Variants in DNAI7 observed in about 807,000 individuals in gnomAD.
The protein encoded by DNAI7 is cancer susceptibility 1.
Under a neutral mutation model 86.6 loss-of-function variants are expected in DNAI7, and 78 were observed. That is an observed-to-expected ratio of 0.90 (90% confidence interval 0.75 to 1.09). The LOEUF is 1.09. Ranked by LOEUF, DNAI7 falls within the 50% of genes least tolerant of loss-of-function variation. The pLI, the probability that DNAI7 is intolerant of heterozygous loss-of-function variation, is 0.00. For synonymous variants in DNAI7, 274 were observed against 273.0 expected (o/e 1.00, Z -0.04); for missense variants, 753 against 810.2 (o/e 0.93, Z 0.86).
chr12:25,188,306 C>T (rs892328528), intron 2 of DNAI7, among the ~76,000 whole-genome samples: 5 of 151,990 alleles, frequency 3.3e-5, no homozygotes, highest in African/African-American at 9.7e-5. Flanking sequence ...TACATATGTG[C>T]GCCCTTTAAT....
chr12:25,158,438 G>T (rs1472842370), intron 4 of DNAI7, 34 bp downstream of exon 4: 2 of 1,495,756 alleles, frequency 1.3e-6, no homozygotes, highest in African/African-American at 2.8e-5. Context: ...CATAGTTTAA[G>T]TATTCATTAA....
At chr12:25,182,145 T>C (rs1219158726) in intron 2 of DNAI7, among the ~76,000 whole-genome samples, 1 of 151,350 alleles carries the variant, frequency 6.6e-6, no homozygotes, top group Non-Finnish European at 1.5e-5. Context: ...GTTGGGAGGT[T>C]GAGATCAGCC....
At chr12:25,108,057 G>A, downstream of DNAI7, 1 of 1,613,164 alleles carries the variant, frequency 6.2e-7, no homozygotes, top group Non-Finnish European at 8.5e-7. Flanking sequence ...CACCACCAGT[G>A]TGACAGCAGG....
chr12:25,174,055 T>C (rs948432641), intron 2 of DNAI7, among the ~76,000 whole-genome samples: 8 of 148,808 alleles, frequency 5.4e-5, no homozygotes, highest in African/African-American at 1.7e-4. Context: ...ATATCATATA[T>C]ATATCATATA....
chr12:25,173,450 AC>A (rs745655046), intron 2 of DNAI7, among the ~76,000 whole-genome samples: 1 of 152,092 alleles, frequency 6.6e-6, no homozygotes, highest in Non-Finnish European at 1.5e-5. Context: ...AAAAAGAAAC[AC>A]TAAATGTTGG....
In DNAI7 at chr12:25,144,689, T is replaced by C. The variant is rs752747573; in HGVS notation, c.690-12A>G. The C allele has an allele frequency of 8.8e-6, 14 of 1,588,446 alleles. No individual in the cohort carries two copies. The East Asian group carries it at 2.9e-4, about 33-fold the overall frequency. ...TAACACTTCTGTGCCTGTTAATAAT[T>C]AATTACAACAAAAAAAGATGAGACC... On this transcript the variant is annotated splice_polypyrimidine_tract_variant and intron_variant, in intron 8 of 15. Transcript: ENST00000395987.
chr12:25,112,407 T>TGG (rs1565616669), intron 13 of DNAI7, among the ~76,000 whole-genome samples: 36 of 140,086 alleles, frequency 2.6e-4, no homozygotes, highest in Non-Finnish European at 4.9e-4. Context: ...TGGTTTTTTT[T>TGG]TTTTTTTTTT....
chr12:25,115,422 T>C (rs1243700859), intron 12 of DNAI7, among the ~76,000 whole-genome samples: 1 of 152,186 alleles, frequency 6.6e-6, no homozygotes, highest in East Asian at 1.9e-4. Context: ...CATTCCCACC[T>C]CCAGCCCCAG....
chr12:25,112,554 C>T (rs928000616), intron 13 of DNAI7, among the ~76,000 whole-genome samples: 1 of 151,678 alleles, frequency 6.6e-6, no homozygotes, highest in Non-Finnish European at 1.5e-5. Context: ...CTACAGGCGC[C>T]CACCACCACA....
At chr12:25,120,566 CA>C (rs71065906) in intron 11 of DNAI7, among the ~76,000 whole-genome samples, 4 of 147,772 alleles carry the variant, frequency 2.7e-5, no homozygotes, top group African/African-American at 9.9e-5. Context: ...ACTAAAAATA[CA>C]AAAAAAAAAT....
intron 9 of DNAI7, among the ~76,000 whole-genome samples, chr12:25,125,372 G>A (rs190546950): frequency 6.2e-4 from 94 of 152,258 alleles, no homozygotes; most frequent in African/African-American, 2.1e-3. Flanking sequence ...AATGATCAGC[G>A]ATATTGGGCT....
At chr12:25,174,519 T>TATGA (rs1555181543) in intron 2 of DNAI7, among the ~76,000 whole-genome samples, 1 of 33,690 alleles carries the variant, frequency 3.0e-5, no homozygotes, top group African/African-American at 1.8e-4. Flanking sequence ...GATATATATA[T>TATGA]CATATATATC....
At chr12:25,148,142 G>C (rs1488396599) in intron 7 of DNAI7, among the ~76,000 whole-genome samples, 1 of 152,066 alleles carries the variant, frequency 6.6e-6, no homozygotes, top group Non-Finnish European at 1.5e-5. Context: ...ACTTTTTGAA[G>C]TGTTCAGGAC....
chr12:25,137,321 A>T (rs1455827649), intron 9 of DNAI7, among the ~76,000 whole-genome samples: 1 of 152,220 alleles, frequency 6.6e-6, no homozygotes, highest in Non-Finnish European at 1.5e-5. Context: ...TCTTTTTCAG[A>T]CAAACAAATG....
intron 3 of DNAI7, among the ~76,000 whole-genome samples, chr12:25,160,460 C>T (rs1300947321): frequency 2.0e-5 from 3 of 152,216 alleles, no homozygotes; most frequent in African/African-American, 4.8e-5. Context: ...ATTCTGATCA[C>T]CTGCTCCACC....
chr12:25,109,090 G>A (rs1347925442), intron 15 of DNAI7, among the ~76,000 whole-genome samples: 1 of 152,018 alleles, frequency 6.6e-6, no homozygotes, highest in Admixed American at 6.6e-5. Context: ...TAAGTGCTGG[G>A]GATATAACAG....
chr12:25,142,198 A>C (rs748648971), intron 9 of DNAI7, among the ~76,000 whole-genome samples: 3 of 152,228 alleles, frequency 2.0e-5, no homozygotes, highest in Non-Finnish European at 2.9e-5. Context: ...CATTTGCAGC[A>C]ACCTGGATGG....
intron 2 of DNAI7, among the ~76,000 whole-genome samples, chr12:25,166,213 T>A (rs979603525): frequency 6.6e-6 from 1 of 152,212 alleles, no homozygotes; most frequent in Non-Finnish European, 1.5e-5. Flanking sequence ...TTAAAGCCTA[T>A]AAACTCTCCT....
intron 9 of DNAI7, among the ~76,000 whole-genome samples, chr12:25,139,705 G>A (rs1479790975): frequency 6.6e-6 from 1 of 152,088 alleles, no homozygotes; most frequent in Non-Finnish European, 1.5e-5. Flanking sequence ...TCGGGGGATG[G>A]GGTGATAGGG....
Sources: allele counts gnomAD v4.1 joint callset (sites outside exome capture counted in the v4.1 genomes callset), GRCh38; gene constraint gnomAD v4.1.1; transcripts MANE v1.5; gene names NCBI Gene and HGNC (gene_info 2026-07-23, HGNC 2026-07-21).